The following RFX2 variants were observed in gnomAD, a reference collection of about 807,000 sequenced individuals.
RFX2 encodes the protein regulatory factor X2.
RFX2 carries 20 observed loss-of-function variants against 87.8 expected under a neutral mutation model. That is an observed-to-expected ratio of 0.23 (90% confidence interval 0.16 to 0.33). The LOEUF (loss-of-function observed/expected upper bound fraction) is 0.33, where lower values mean the gene tolerates loss of function less well. Among genes scored for constraint, RFX2 ranks in the 10% least tolerant of loss-of-function variants. RFX2 has a pLI of 1.00. For synonymous variants in RFX2, 397 were observed against 431.3 expected (o/e 0.92, Z 0.98); for missense variants, 767 against 1,012.3 (o/e 0.76, Z 3.29).
intron 1 of RFX2, among the ~76,000 whole-genome samples, chr19:6,070,468 G>A (rs943485874): frequency 6.6e-6 from 1 of 151,986 alleles, no homozygotes; most frequent in Non-Finnish European, 1.5e-5. Flanking sequence ...TGGCTGCTGG[G>A]GGCCTCCACT....
At chr19:6,077,773 G>A (rs2087713796) in intron 1 of RFX2, among the ~76,000 whole-genome samples, 1 of 152,090 alleles carries the variant, frequency 6.6e-6, no homozygotes, top group Non-Finnish European at 1.5e-5. Flanking sequence ...CCTGAGGTCA[G>A]GAGTTTGAGA....
In RFX2 at chr19:6,013,097, G is replaced by A; in HGVS notation, c.788C>T (p.Ser263Leu). The change falls in exon 8 of 18, where the codon TCG (serine) becomes TTG (leucine). Residue 263 changes from serine (S) to leucine (L), a missense_variant. By Grantham distance (145) the Ser-to-Leu change is moderately radical. Transcript: ENST00000303657. This position sits in a 1 kb window ranked among gnomAD's most constrained non-coding sequence, Gnocchi z 4.1. ...RTRRLGTRGNSKYHYYGIRLK... is the reference protein window; with the variant it reads ...RTRRLGTRGNLKYHYYGIRLK... ...ACGAATCCCATAGTAATGGTACTTC[G>A]AGTTGCCCCTGGAAACCAAACATCC... 1 of 1,587,972 alleles carries A rather than the reference G, an allele frequency of 6.3e-7. No individual in the cohort carries two copies. The highest frequency in any genetic ancestry group is 8.6e-7 in the Non-Finnish European group (1 of 1,168,424).
intron 7 of RFX2, among the ~76,000 whole-genome samples, 178 bp downstream of exon 7, chr19:6,015,912 G>A (rs1051778033): frequency 4.6e-5 from 7 of 152,242 alleles, no homozygotes; most frequent in Admixed American, 1.3e-4. Context: ...AGCCGACACC[G>A]TGGGCTACAC....
chr19:6,098,327 A>T (rs906526503), intron 1 of RFX2, among the ~76,000 whole-genome samples: 1 of 152,118 alleles, frequency 6.6e-6, no homozygotes, highest in African/African-American at 2.4e-5. Flanking sequence ...GTGGGGCTAC[A>T]TTGCGGGAAC....
intron 1 of RFX2, among the ~76,000 whole-genome samples, chr19:6,100,421 C>G (rs2088101159): frequency 6.6e-6 from 1 of 152,150 alleles, no homozygotes; most frequent in South Asian, 2.1e-4. Flanking sequence ...CCAGAGACGA[C>G]AGAGCCCAAG....
At chr19:5,996,230 G>A (rs886757443) in intron 16 of RFX2, among the ~76,000 whole-genome samples, 7 of 43,084 alleles carry the variant, frequency 1.6e-4, no homozygotes, top group South Asian at 5.9e-4. Context: ...TGTGGACCCC[G>A]AAGAACTGAA....
chr19:6,084,523 C>T (rs1012885135), intron 1 of RFX2, among the ~76,000 whole-genome samples: 1 of 152,148 alleles, frequency 6.6e-6, no homozygotes, highest in African/African-American at 2.4e-5. Flanking sequence ...TCACTCCCTA[C>T]CCCCTCCCCA....
chr19:6,038,133 C>A lies in RFX2; in HGVS notation c.522+1847G>T, dbSNP rs574745383. Among the ~76,000 whole-genome samples, 15 of 152,070 alleles carry A rather than the reference C, an allele frequency of 9.9e-5. 1 individual carries two copies. Among genetic ancestry groups the A allele is most frequent in the Middle Eastern group, 3.4e-3 (1 of 294 alleles). On this transcript the variant is annotated intron_variant, in intron 5 of 17. Transcript: ENST00000303657. ...CTTGAGGTCAGGCATTCGAGACCAG[C>A]CTGGCCAACATGGTAAAACCCTGTC... is the stretch of plus-strand genomic sequence containing the variant.
At chr19:6,088,855 A>G (rs978462595) in intron 1 of RFX2, among the ~76,000 whole-genome samples, 1 of 152,220 alleles carries the variant, frequency 6.6e-6, no homozygotes, top group Non-Finnish European at 1.5e-5. Flanking sequence ...GCTCGCTGTC[A>G]AGATGACTCA....
chr19:6,107,652 G>A (rs1222947068), intron 1 of RFX2, among the ~76,000 whole-genome samples: 3 of 128,278 alleles, frequency 2.3e-5, no homozygotes, highest in South Asian at 2.3e-4. Context: ...AAATCCACAG[G>A]TGCATTTAAA....
At chr19:6,037,619 T>C (rs2087042609) in intron 5 of RFX2, among the ~76,000 whole-genome samples, 1 of 152,218 alleles carries the variant, frequency 6.6e-6, no homozygotes, top group Non-Finnish European at 1.5e-5. Flanking sequence ...CAGTGCAAAT[T>C]AGTCAAAATC....
intron 7 of RFX2, among the ~76,000 whole-genome samples, chr19:6,014,512 T>C (rs1223083618): frequency 6.6e-6 from 1 of 152,236 alleles, no homozygotes; most frequent in Admixed American, 6.5e-5. Flanking sequence ...GTGCTAGGAT[T>C]ACAGGCGTGA....
chr19:6,066,680 G>A (rs533022381), intron 1 of RFX2, among the ~76,000 whole-genome samples: 1 of 152,210 alleles, frequency 6.6e-6, no homozygotes, highest in African/African-American at 2.4e-5. Flanking sequence ...ATCCATGTCT[G>A]CCTGTTGTGG....
At chr19:6,090,054 C>T (rs931001018) in intron 1 of RFX2, among the ~76,000 whole-genome samples, 1 of 152,086 alleles carries the variant, frequency 6.6e-6, no homozygotes, top group Non-Finnish European at 1.5e-5. Context: ...CTCAACGTCC[C>T]AGGCTCAAGA....
At chr19:6,075,417 G>T (rs777899804) in intron 1 of RFX2, among the ~76,000 whole-genome samples, 9 of 152,194 alleles carry the variant, frequency 5.9e-5, no homozygotes, top group Non-Finnish European at 1.2e-4. Context: ...TATTTTGGAA[G>T]TATCAACGGT....
chr19:6,003,223 GC>G (rs1482651365), intron 13 of RFX2, among the ~76,000 whole-genome samples: 1 of 152,090 alleles, frequency 6.6e-6, no homozygotes. Context: ...AGTGGGTGTG[GC>G]CTGGGAATCT....
chr19:5,996,935 A>G, intron 16 of RFX2, 125 bp downstream of exon 16: 1 of 987,248 alleles, frequency 1.0e-6, no homozygotes, highest in Non-Finnish European at 1.5e-6. Flanking sequence ...ATCGAGCTGC[A>G]GCTCTGTCCG....
chr19:6,072,721 A>G (rs779501280), intron 1 of RFX2: 48 of 433,708 alleles, frequency 1.1e-4, no homozygotes, highest in Admixed American at 1.7e-4. Context: ...AAGAAACATG[A>G]AGTCTTCCTT....
chr19:6,011,829 G>A lies in RFX2; in HGVS notation c.899+1157C>T, dbSNP rs781720984. 9.2e-5 allele frequency among the ~76,000 whole-genome samples: 14 copies of A among 152,224 alleles called. No homozygotes were observed. Among genetic ancestry groups the A allele is most frequent in the African/African-American group, 2.4e-5 (1 of 41,458 alleles). ...CAGAGGGTCCAGCACCAGGTGTAAA[G>A]GTGCCACGTGGGGCTATTGCAATGT... On this transcript the variant is annotated intron_variant, in intron 8 of 17. Transcript: ENST00000303657. The surrounding 1 kb of genome is among the most constrained non-coding windows in gnomAD (Gnocchi z 4.8).
Sources: allele counts gnomAD v4.1 joint callset (sites outside exome capture counted in the v4.1 genomes callset), GRCh38; gene constraint gnomAD v4.1.1; non-coding constraint Gnocchi (gnomAD v3.1); transcripts MANE v1.5; gene names NCBI Gene and HGNC (gene_info 2026-07-23, HGNC 2026-07-21).